Variants in DISP1 observed in about 807,000 individuals in gnomAD.
DISP1 encodes protein dispatched homolog 1.
Under a neutral mutation model 37.3 loss-of-function variants are expected in DISP1, and 30 were observed. The observed-to-expected ratio is 0.80, with a 90% CI of 0.60 to 1.09. DISP1 has a LOEUF of 1.09. Among genes scored for constraint, DISP1 ranks in the 50% least tolerant of loss-of-function variants. The probability of loss-of-function intolerance (pLI) is 0.00; values close to 1 mark genes in which losing one functional copy is unlikely to be tolerated. For missense variants in DISP1, 1,598 were observed against 1,879.5 expected (o/e 0.85, Z 2.77); for synonymous variants, 634 against 690.2 (o/e 0.92, Z 1.28).
At chr1:222,972,790 T>C (rs1466930337) in intron 3 of DISP1, among the ~76,000 whole-genome samples, 2 of 152,188 alleles carry the variant, frequency 1.3e-5, no homozygotes, top group Non-Finnish European at 2.9e-5. Flanking sequence ...ATAATTACTT[T>C]CAGTGTATTG....
chr1:222,955,623 T>C (rs1675539827), intron 3 of DISP1, among the ~76,000 whole-genome samples: 1 of 152,190 alleles, frequency 6.6e-6, no homozygotes, highest in African/African-American at 2.4e-5. Context: ...ACATGAGATA[T>C]TCCATACTTT....
intron 1 of DISP1, among the ~76,000 whole-genome samples, chr1:222,890,113 G>T (rs1198998116): frequency 6.6e-6 from 1 of 152,084 alleles, no homozygotes; most frequent in Non-Finnish European, 1.5e-5. Context: ...TATTCAACAT[G>T]TATAATTATT....
In DISP1 at chr1:222,831,643, A is replaced by G. The variant is rs139024812; in HGVS notation, c.-159+16565A>G. On this transcript the variant is annotated intron_variant, in intron 1 of 8. Coordinates refer to ENST00000675850, the MANE Select transcript of DISP1 (RefSeq NM_001377229.1). ...GACATTATCACAAGACAAAGAGATT[A>G]GAGAAAACTTTATACATAATGACTT... Among the ~76,000 whole-genome samples the G allele has an allele frequency of 2.9e-3, 444 of 152,336 alleles. 2 individuals are homozygous for G. Among genetic ancestry groups the G allele is most frequent in the African/African-American group, 0.01 (420 of 41,578 alleles).
At chr1:222,835,973 A>AAAT (rs66669591) in intron 1 of DISP1, among the ~76,000 whole-genome samples, 1 of 150,864 alleles carries the variant, frequency 6.6e-6, no homozygotes, top group Non-Finnish European at 1.5e-5. Flanking sequence ...AAAAAAAAAA[A>AAAT]TTGAGCTTAA....
At chr1:222,860,845 C>T (rs1668840332) in intron 1 of DISP1, among the ~76,000 whole-genome samples, 1 of 151,814 alleles carries the variant, frequency 6.6e-6, no homozygotes, top group South Asian at 2.1e-4. Flanking sequence ...TGCACTCCAG[C>T]CTGGGAGACA....
At chr1:222,920,146 A>G (rs1237955752) in intron 1 of DISP1, among the ~76,000 whole-genome samples, 2 of 152,194 alleles carry the variant, frequency 1.3e-5, no homozygotes, top group African/African-American at 4.8e-5. Context: ...TGTATTAGTT[A>G]TAACCTCTCA....
rs576864313 is a variant in DISP1 at position 222,932,304 on chromosome 1, G to T, written c.-18+3734G>T. Among the ~76,000 whole-genome samples, 12 of 151,976 alleles carry T rather than the reference G, an allele frequency of 7.9e-5. No individual in the cohort carries two copies. The East Asian group carries it at 2.3e-3, about 29-fold the overall frequency. On this transcript the variant is annotated intron_variant, in intron 2 of 8. Coordinates refer to ENST00000675850, the MANE Select transcript of DISP1 (RefSeq NM_001377229.1). ...TTAAATCAGAACCTCAACCTCTGGG[G>T]CCAGGACCCTTTTATCATAATTTTT... is the stretch of plus-strand genomic sequence containing the variant.
intron 3 of DISP1, among the ~76,000 whole-genome samples, chr1:222,950,226 C>T (rs765407470): frequency 3.3e-5 from 5 of 151,886 alleles, no homozygotes; most frequent in Admixed American, 2.0e-4. Context: ...TGAAGGGACT[C>T]GAGGAGGCAA....
intron 1 of DISP1, among the ~76,000 whole-genome samples, chr1:222,841,037 A>T (rs960833263): frequency 3.3e-5 from 5 of 151,506 alleles, no homozygotes; most frequent in Admixed American, 3.3e-4. Context: ...CTTATTTATC[A>T]TTGTGATTCC....
At chr1:222,998,212 A>G (rs1345600574) in intron 8 of DISP1, among the ~76,000 whole-genome samples, 1 of 151,464 alleles carries the variant, frequency 6.6e-6, no homozygotes, top group East Asian at 2.0e-4. Context: ...GAGTTGTCCT[A>G]AGACTACTTG....
intron 3 of DISP1, among the ~76,000 whole-genome samples, chr1:222,957,810 A>G (rs2102574922): frequency 6.6e-6 from 1 of 152,280 alleles, no homozygotes; most frequent in African/African-American, 2.4e-5. Flanking sequence ...AATAACAAAC[A>G]GTATCATTTC....
In DISP1 at chr1:222,893,776, C is replaced by CTTG. The variant is rs1183522450; in HGVS notation, c.-158-34650_-158-34648dup. ...TAGATGTGGGCTCCCTTCTCTCCTT[C>CTTG]TTGTTGCCCACAACGTGGCTAATGG... On this transcript the variant is annotated intron_variant, in intron 1 of 8. Transcript: ENST00000675850. This position sits in a 1 kb window ranked among gnomAD's most constrained non-coding sequence, Gnocchi z 4.3. 5.9e-5 allele frequency among the ~76,000 whole-genome samples: 9 copies of CTTG among 152,218 alleles called. No homozygotes were observed. The highest frequency in any genetic ancestry group is 2.2e-4 in the African/African-American group (9 of 41,452).
At chr1:222,842,663 C>A (rs1048890594) in intron 1 of DISP1, among the ~76,000 whole-genome samples, 1 of 152,110 alleles carries the variant, frequency 6.6e-6, no homozygotes, top group Admixed American at 6.5e-5. Flanking sequence ...TCCCAACATA[C>A]AAACATGCAT....
chr1:222,992,864 A>ATTTTTTTTTTTTTTTTT (rs71178523), intron 7 of DISP1, among the ~76,000 whole-genome samples: 5 of 118,590 alleles, frequency 4.2e-5, no homozygotes, highest in Non-Finnish European at 8.4e-5. Context: ...AAAACCCAGA[A>ATTTTTTTTTTTTTTTTT]TTTTTTTTTT....
chr1:222,903,378 A>T (rs1182643625), intron 1 of DISP1, among the ~76,000 whole-genome samples: 1 of 151,756 alleles, frequency 6.6e-6, no homozygotes, highest in Non-Finnish European at 1.5e-5. Context: ...CAGTACACCA[A>T]CGTGGCATAT....
At chr1:222,861,505 T>C (rs1312609944) in intron 1 of DISP1, among the ~76,000 whole-genome samples, 1 of 152,190 alleles carries the variant, frequency 6.6e-6, no homozygotes, top group African/African-American at 2.4e-5. Flanking sequence ...AGAACATGGC[T>C]TTTAGGTTAG....
intron 3 of DISP1, among the ~76,000 whole-genome samples, chr1:222,945,389 A>C (rs1228894205): frequency 6.6e-6 from 1 of 152,230 alleles, no homozygotes; most frequent in Non-Finnish European, 1.5e-5. Flanking sequence ...TTGATTATTA[A>C]ATTATCATAA....
intron 1 of DISP1, among the ~76,000 whole-genome samples, chr1:222,912,219 C>T (rs1246757066): frequency 6.6e-6 from 1 of 152,178 alleles, no homozygotes; most frequent in Non-Finnish European, 1.5e-5. Flanking sequence ...AGAAGAGCCA[C>T]TGTTTGCAAG....
rs71178518 is a variant in DISP1 at position 222,969,370 on chromosome 1, C to CAAAAAAAAAAAAAAA, written c.510-13707_510-13693dup. Among the ~76,000 whole-genome samples, 36 of 29,862 alleles carry CAAAAAAAAAAAAAAA rather than the reference C, an allele frequency of 1.2e-3. 2 individuals are homozygous for CAAAAAAAAAAAAAAA. The highest frequency in any genetic ancestry group is 3.3e-3 in the East Asian group (2 of 610). 19.6% of individuals were successfully genotyped at this position (29,862 alleles called of 152,430 possible). Reference sequence around the variant, plus strand: ...GGGCAAAAAGAGTGAAACTTGGTCTCAAAAAAAAAAAAAAAAATTACAAAG... The same window carrying CAAAAAAAAAAAAAAA: ...GGGCAAAAAGAGTGAAACTTGGTCTCAAAAAAAAAAAAAAAAAAAAAAAAAAAAAAAATTACAAAG... On this transcript the variant is annotated intron_variant, in intron 3 of 8. Transcript: ENST00000675850.
Sources: gnomAD v4.1 joint callset for allele counts (sites outside exome capture counted in the v4.1 genomes callset) on GRCh38, gnomAD v4.1.1 for gene constraint, Gnocchi (gnomAD v3.1) non-coding constraint, MANE v1.5 for transcripts, NCBI Gene and HGNC (gene_info 2026-07-23, HGNC 2026-07-21) for gene names.